Variants in NPAS3 observed in about 807,000 individuals in gnomAD.
The protein encoded by NPAS3 is neuronal PAS domain-containing protein 3.
Under a neutral mutation model 73.1 loss-of-function variants are expected in NPAS3, and 14 were observed. That is an observed-to-expected ratio of 0.19 (90% CI 0.13 to 0.30). NPAS3 has a LOEUF of 0.30. Among genes scored for constraint, NPAS3 ranks in the 10% least tolerant of loss-of-function variants. The probability of loss-of-function intolerance (pLI) is 1.00; values close to 1 mark genes in which losing one functional copy is unlikely to be tolerated. For missense variants in NPAS3, 1,096 were observed against 1,250.0 expected (o/e 0.88, Z 1.86); for synonymous variants, 620 against 541.5 (o/e 1.14, Z -2.01).
chr14:33,341,910 T>C lies in NPAS3; in HGVS notation c.386-25276T>C, dbSNP rs555685382. Among the ~76,000 whole-genome samples the C allele has an allele frequency of 9.8e-5, 15 of 152,354 alleles. No individual in the cohort carries two copies. In the East Asian group the frequency reaches 2.3e-3, roughly 24 times the overall value. ...ATTCTAAGTAAGGTTCTCTTAAGCA[T>C]AGTTTATCTTTGAAGTCCTTTTTTA... is the stretch of plus-strand genomic sequence containing the variant. On this transcript the variant is annotated intron_variant, in intron 3 of 11. Transcript: ENST00000356141.
intron 3 of NPAS3, among the ~76,000 whole-genome samples, chr14:33,282,513 CTG>C (rs1017004493): frequency 2.0e-5 from 3 of 152,186 alleles, no homozygotes; most frequent in African/African-American, 7.2e-5. Context: ...GAGAGGGACA[CTG>C]TGCGTTGATC....
chr14:33,116,647 A>G (rs1014204585), intron 2 of NPAS3, among the ~76,000 whole-genome samples: 2 of 152,092 alleles, frequency 1.3e-5, no homozygotes, highest in Non-Finnish European at 2.9e-5. Context: ...GGTGGACGTG[A>G]ATTTACTGCT....
At chr14:33,760,658 T>C (rs2062254858) in intron 7 of NPAS3, among the ~76,000 whole-genome samples, 1 of 151,882 alleles carries the variant, frequency 6.6e-6, no homozygotes, top group Admixed American at 6.6e-5. Context: ...TTGCCCATCC[T>C]GCCTAAAGCC....
chr14:33,349,738 G>T (rs2044936936), intron 3 of NPAS3, among the ~76,000 whole-genome samples: 1 of 152,138 alleles, frequency 6.6e-6, no homozygotes, highest in South Asian at 2.1e-4. Flanking sequence ...ACTCACTTTT[G>T]TTGGAATTGA....
chr14:33,579,820 TTGTATC>T (rs2056593032), intron 5 of NPAS3, among the ~76,000 whole-genome samples: 1 of 152,120 alleles, frequency 6.6e-6, no homozygotes, highest in African/African-American at 2.4e-5. Context: ...AAAGGCCTTA[TTGTATC>T]TACACGAAGC....
chr14:33,065,732 C>A (rs2041254948), intron 2 of NPAS3, among the ~76,000 whole-genome samples: 1 of 151,828 alleles, frequency 6.6e-6, no homozygotes, highest in South Asian at 2.1e-4. Context: ...CATGTGTTAC[C>A]AATGAGAAGA....
At chr14:33,446,300 C>G (rs1293024441) in intron 4 of NPAS3, among the ~76,000 whole-genome samples, 1 of 151,080 alleles carries the variant, frequency 6.6e-6, no homozygotes, top group Non-Finnish European at 1.5e-5. Context: ...CTCAGCCTCC[C>G]GAGTAGCTGG....
chr14:33,686,901 T>C (rs1366582693), intron 6 of NPAS3, among the ~76,000 whole-genome samples: 1 of 152,180 alleles, frequency 6.6e-6, no homozygotes, highest in African/African-American at 2.4e-5. Flanking sequence ...CTGGCCTTGA[T>C]ACTGGCTCAT....
intron 5 of NPAS3, among the ~76,000 whole-genome samples, chr14:33,629,238 A>T (rs1041790238): frequency 6.6e-6 from 1 of 151,358 alleles, no homozygotes; most frequent in African/African-American, 2.4e-5. Context: ...CCATCTCAAA[A>T]AAAAAAAAAA....
chr14:33,321,558 A>T (rs2043449963), intron 3 of NPAS3, among the ~76,000 whole-genome samples: 1 of 151,922 alleles, frequency 6.6e-6, no homozygotes, highest in East Asian at 1.9e-4. Context: ...ACAGCATGGG[A>T]TTTGGAGCCA....
At chr14:33,523,288 C>T (rs2053639018) in intron 4 of NPAS3, among the ~76,000 whole-genome samples, 1 of 151,960 alleles carries the variant, frequency 6.6e-6, no homozygotes, top group Non-Finnish European at 1.5e-5. Flanking sequence ...TGACTCAAGG[C>T]ACAGGGACCA....
At chr14:33,498,331 C>A (rs907929333) in intron 4 of NPAS3, among the ~76,000 whole-genome samples, 2 of 152,156 alleles carry the variant, frequency 1.3e-5, no homozygotes, top group Non-Finnish European at 2.9e-5. Flanking sequence ...AGCCAGCAAT[C>A]CCATTACTGG....
intron 4 of NPAS3, among the ~76,000 whole-genome samples, chr14:33,449,230 C>T (rs759776604): frequency 1.3e-5 from 2 of 152,150 alleles, no homozygotes; most frequent in Admixed American, 6.5e-5. Context: ...ACATGTCTTC[C>T]CCAACTCCAT....
chr14:33,123,793 AT>A (rs2043321637), intron 2 of NPAS3, among the ~76,000 whole-genome samples: 1 of 151,910 alleles, frequency 6.6e-6, no homozygotes, highest in African/African-American at 2.4e-5. Flanking sequence ...CTTAAAATCA[AT>A]TAGTGTCAAT....
At chr14:33,671,668 T>C (rs990669256) in intron 5 of NPAS3, among the ~76,000 whole-genome samples, 2 of 152,226 alleles carry the variant, frequency 1.3e-5, no homozygotes, top group Non-Finnish European at 2.9e-5. Flanking sequence ...CTCAGCTGTT[T>C]TGTAATACAC....
intron 4 of NPAS3, among the ~76,000 whole-genome samples, chr14:33,440,124 A>AAG (rs1001840426): frequency 1.4e-4 from 21 of 152,004 alleles, no homozygotes; most frequent in African/African-American, 2.2e-4. Context: ...TCAAAAAAAA[A>AAG]AAAAAAAGAA....
At chr14:33,114,276 C>T (rs2042989440) in intron 2 of NPAS3, among the ~76,000 whole-genome samples, 1 of 152,072 alleles carries the variant, frequency 6.6e-6, no homozygotes, top group Admixed American at 6.6e-5. Flanking sequence ...CCTCAATGAT[C>T]CACCCCCCTT....
At chr14:33,781,973 A>T (rs925987176) in intron 9 of NPAS3, among the ~76,000 whole-genome samples, 1 of 152,234 alleles carries the variant, frequency 6.6e-6, no homozygotes, top group Non-Finnish European at 1.5e-5. Flanking sequence ...TTAACATGAG[A>T]TGACTGATAG....
chr14:33,466,163 T>A (rs1202865170), intron 4 of NPAS3, among the ~76,000 whole-genome samples: 1 of 151,886 alleles, frequency 6.6e-6, no homozygotes, highest in African/African-American at 2.4e-5. Context: ...ATGGAGCTGT[T>A]TAGAGAAGCA....
Sources: allele counts gnomAD v4.1 joint callset (sites outside exome capture counted in the v4.1 genomes callset), GRCh38; gene constraint gnomAD v4.1.1; transcripts MANE v1.5; gene names NCBI Gene and HGNC (gene_info 2026-07-23, HGNC 2026-07-21).